NAA11: variants seen among roughly 807,000 people sequenced by gnomAD.
The protein encoded by NAA11 is N-alpha-acetyltransferase 11.
A neutral mutation model predicts 16.1 loss-of-function variants in NAA11; 15 were observed. That is an observed-to-expected ratio of 0.93 (90% CI 0.62 to 1.44). The LOEUF is 1.44. NAA11 is among the 40% of genes most tolerant of loss of function. NAA11 has a pLI of 0.00. For missense variants in NAA11, 298 were observed against 291.3 expected, an observed-to-expected ratio of 1.02 and a Z score of -0.17; for synonymous variants, 122 against 112.4, an observed-to-expected ratio of 1.09 and a Z score of -0.54.
intron 2 of NAA11, among the ~76,000 whole-genome samples, chr4:79,228,554 T>C (rs1721378316): frequency 6.9e-6 from 1 of 145,634 alleles, no homozygotes; most frequent in Non-Finnish European, 1.5e-5. Context: ...GAACATAAAT[T>C]GAATTATATT....
chr4:79,202,623 T>TTATATATATATATATATATGTATG, the NAA11 span, among the ~76,000 whole-genome samples: 1 of 52,622 alleles, frequency 1.9e-5, no homozygotes, highest in African/African-American at 4.6e-5. Flanking sequence ...ATATATAGTT[T>TTATATATATATATATATATGTATG]TATATATATA....
rs569909026 is a variant in NAA11 at position 79,255,939 on chromosome 4, G to C, written c.*123-29669C>G. On this transcript the variant is annotated intron_variant and NMD_transcript_variant, in intron 2 of 2. Transcript: ENST00000511542. ...TAACTTTGGGTCATTGCCATGGAAA[G>C]GGGCGGTAACTCCCAGGTGTTGCCA... Among the ~76,000 whole-genome samples the C allele has an allele frequency of 1.6e-3, 245 of 152,242 alleles. 6 individuals carry two copies. In the South Asian group the frequency reaches 0.05, roughly 31 times the overall value.
At chr4:79,210,475 T>C in the NAA11 span, among the ~76,000 whole-genome samples, 1 of 152,164 alleles carries the variant, frequency 6.6e-6, no homozygotes, top group Non-Finnish European at 1.5e-5. Context: ...GATGTGTACG[T>C]GTGGATCACA....
intron 1 of NAA11, among the ~76,000 whole-genome samples, chr4:79,310,540 C>T (rs905895772): frequency 6.6e-6 from 1 of 152,166 alleles, no homozygotes; most frequent in African/African-American, 2.4e-5. Flanking sequence ...CAACAATGCT[C>T]GTTTACTTAG....
the NAA11 span, among the ~76,000 whole-genome samples, chr4:79,192,140 G>C: frequency 2.6e-5 from 4 of 152,036 alleles, no homozygotes; most frequent in Non-Finnish European, 2.9e-5. Flanking sequence ...CGTTCTTTTT[G>C]CTTAGGATTG....
downstream of NAA11, among the ~76,000 whole-genome samples, chr4:79,314,641 T>TAAAAAAAAA (rs375245497): frequency 8.3e-3 from 810 of 97,986 alleles, 51 homozygotes; most frequent in African/African-American, 0.032. Context: ...TCCTTAAAAT[T>TAAAAAAAAA]AAAAAAAAAA....
chr4:79,171,331 A>T, the NAA11 span, among the ~76,000 whole-genome samples: 1 of 152,086 alleles, frequency 6.6e-6, no homozygotes, highest in Non-Finnish European at 1.5e-5. Context: ...TTTTCTCTCC[A>T]TGTCATGTTT....
chr4:79,177,404 C>CAAA, the NAA11 span, among the ~76,000 whole-genome samples: 302 of 147,622 alleles, frequency 2.0e-3, 1 homozygote, highest in African/African-American at 7.5e-3. Flanking sequence ...TTTGACTTAT[C>CAAA]AAAAAAAAAA....
At chr4:79,262,105 CA>C (rs1425327086) in intron 2 of NAA11, among the ~76,000 whole-genome samples, 2 of 152,192 alleles carry the variant, frequency 1.3e-5, no homozygotes, top group Middle Eastern at 3.4e-3. Context: ...GATTCGTACC[CA>C]GTCTTTAAGC....
the NAA11 span, among the ~76,000 whole-genome samples, chr4:79,166,781 A>C: frequency 6.7e-6 from 1 of 149,152 alleles, no homozygotes; most frequent in Non-Finnish European, 1.5e-5. Context: ...AGGCAGGAGA[A>C]TTGCTGCAAC....
At chr4:79,270,136 G>A (rs1326656625) in intron 2 of NAA11, among the ~76,000 whole-genome samples, 2 of 148,694 alleles carry the variant, frequency 1.3e-5, no homozygotes, top group African/African-American at 5.1e-5. Flanking sequence ...GTCAGGTAGT[G>A]TGATGCCTCC....
chr4:79,170,502 G>A, the NAA11 span, among the ~76,000 whole-genome samples: 2 of 152,100 alleles, frequency 1.3e-5, no homozygotes, highest in East Asian at 3.9e-4. Flanking sequence ...TCAAGTGTAT[G>A]CCAGGGAAGC....
At chr4:79,214,779 C>T in the NAA11 span, among the ~76,000 whole-genome samples, 1 of 152,004 alleles carries the variant, frequency 6.6e-6, no homozygotes, top group Non-Finnish European at 1.5e-5. Context: ...GTCTGGGCAA[C>T]AGAGCAAGAC....
the NAA11 span, among the ~76,000 whole-genome samples, chr4:79,194,382 A>G: frequency 1.3e-5 from 2 of 152,120 alleles, no homozygotes; most frequent in Admixed American, 6.5e-5. Context: ...ATGTAGTGAA[A>G]TAAGTACAAC....
At chr4:79,322,974 C>T (rs542946123) in intron 1 of NAA11, among the ~76,000 whole-genome samples, 1 of 151,930 alleles carries the variant, frequency 6.6e-6, no homozygotes, top group South Asian at 2.1e-4. Context: ...TCGGTTTTGG[C>T]ATTAAAATGC....
At chr4:79,217,208 G>T in the NAA11 span, among the ~76,000 whole-genome samples, 5 of 152,172 alleles carry the variant, frequency 3.3e-5, no homozygotes, top group African/African-American at 1.2e-4. Flanking sequence ...GGCAGGCTTT[G>T]GGATGCAGAT....
At chr4:79,246,081 C>A (rs1206287699) in intron 2 of NAA11, among the ~76,000 whole-genome samples, 1 of 152,134 alleles carries the variant, frequency 6.6e-6, no homozygotes, top group African/African-American at 2.4e-5. Flanking sequence ...TTACCCCCAA[C>A]CCCGTGCTCT....
At chr4:79,196,955 C>CAAAAAAAAAAAAAAAAAAAAAAAAAA in the NAA11 span, among the ~76,000 whole-genome samples, 24 of 86,188 alleles carry the variant, frequency 2.8e-4, no homozygotes, top group African/African-American at 7.3e-4. Flanking sequence ...ATGAAAAAGA[C>CAAAAAAAAAAAAAAAAAAAAAAAAAA]AAAAAAAAAA....
At chr4:79,227,145 A>G (rs1721336115) in intron 2 of NAA11, 1 of 152,070 alleles carries the variant, frequency 6.6e-6, no homozygotes, top group African/African-American at 2.4e-5. Context: ...ATGGTATCTC[A>G]TTGTGGTTTT....
Sources: allele counts gnomAD v4.1 joint callset (sites outside exome capture counted in the v4.1 genomes callset), GRCh38; gene constraint gnomAD v4.1.1; transcripts MANE v1.5; gene names NCBI Gene and HGNC (gene_info 2026-07-23, HGNC 2026-07-21).